TENM2: variants seen among roughly 807,000 people sequenced by gnomAD.
TENM2 encodes the protein teneurin-2.
In TENM2, 52 loss-of-function variants were observed where a neutral mutation model predicts 245.2. The observed-to-expected ratio is 0.21, with a 90% CI of 0.17 to 0.27. The LOEUF is 0.27. Ranked by LOEUF, TENM2 falls within the 10% of genes least tolerant of loss-of-function variation. The probability of loss-of-function intolerance (pLI) is 1.00; values close to 1 mark genes in which losing one functional copy is unlikely to be tolerated. For missense variants in TENM2, 3,046 were observed against 3,666.8 expected (o/e 0.83, Z 4.37); for synonymous variants, 1,363 against 1,438.9 (o/e 0.95, Z 1.19).
At chr5:168,220,598 G>T (rs899219280) in intron 23 of TENM2, among the ~76,000 whole-genome samples, 2 of 151,974 alleles carry the variant, frequency 1.3e-5, no homozygotes, top group African/African-American at 4.8e-5. Context: ...AAATGTATAG[G>T]GTTTTCTTTT....
intron 1 of TENM2, among the ~76,000 whole-genome samples, chr5:167,338,869 A>G (rs1757932502): frequency 6.6e-6 from 1 of 152,152 alleles, no homozygotes. Flanking sequence ...CGTGACAGAA[A>G]GAGAGAGTTC....
chr5:167,812,064 A>G lies in TENM2; in HGVS notation c.503-63922A>G, dbSNP rs184113630. Among the ~76,000 whole-genome samples the G allele has an allele frequency of 8.5e-5, 13 of 152,326 alleles. No homozygotes were observed. In the East Asian group the frequency reaches 2.5e-3, roughly 29 times the overall value. ...GCATCTTGAAGGATGGATAAGAATT[A>G]TACCCAATGTTTAAAAAATAAGGGA... On this transcript the variant is annotated intron_variant, in intron 2 of 28. Coordinates refer to ENST00000518659, the Ensembl canonical transcript of TENM2.
chr5:166,990,206 T>C, the TENM2 span, among the ~76,000 whole-genome samples: 14 of 152,202 alleles, frequency 9.2e-5, no homozygotes, highest in African/African-American at 3.4e-4. Flanking sequence ...ACTAAATTAT[T>C]AGTAAACCTA....
At chr5:167,287,813 G>T (rs1264721410) in intron 1 of TENM2, 1 of 152,290 alleles carries the variant, frequency 6.6e-6, no homozygotes, top group East Asian at 1.9e-4. Context: ...TATTATGCTG[G>T]ATCCTCCTGG....
chr5:167,167,206 A>G, the TENM2 span, among the ~76,000 whole-genome samples: 1 of 152,208 alleles, frequency 6.6e-6, no homozygotes, highest in African/African-American at 2.4e-5. Context: ...GTAAATTCTG[A>G]CAAACCAGGG....
intron 2 of TENM2, among the ~76,000 whole-genome samples, chr5:167,618,026 G>A (rs901876297): frequency 6.6e-6 from 1 of 152,128 alleles, no homozygotes; most frequent in Admixed American, 6.5e-5. Flanking sequence ...CCGTGCTTGG[G>A]ATTGGAGGTC....
At chr5:168,165,684 G>C (rs1216527280) in intron 13 of TENM2, among the ~76,000 whole-genome samples, 1 of 117,720 alleles carries the variant, frequency 8.5e-6, no homozygotes, top group Admixed American at 1.3e-4. Flanking sequence ...AGACAAAGCA[G>C]TCCAAAGGCA....
intron 5 of TENM2, among the ~76,000 whole-genome samples, chr5:167,994,171 C>A (rs966939804): frequency 6.6e-6 from 1 of 152,240 alleles, no homozygotes; most frequent in Non-Finnish European, 1.5e-5. Flanking sequence ...GGTTTCAGGG[C>A]AGCTATGAGA....
the TENM2 span, among the ~76,000 whole-genome samples, chr5:167,243,792 C>T: frequency 6.6e-6 from 1 of 152,144 alleles, no homozygotes; most frequent in African/African-American, 2.4e-5. Flanking sequence ...CCAATTTTAT[C>T]TGCATTGATA....
intron 2 of TENM2, among the ~76,000 whole-genome samples, chr5:167,403,165 AT>A (rs35263578): frequency 0.34 from 51,952 of 151,630 alleles, 9,593 homozygotes; most frequent in African/African-American, 0.49. Context: ...GATAGTTATT[AT>A]TTTTTTTAAG....
intron 2 of TENM2, among the ~76,000 whole-genome samples, chr5:167,532,355 A>G (rs986760532): frequency 1.3e-5 from 2 of 152,166 alleles, no homozygotes; most frequent in East Asian, 1.9e-4. Flanking sequence ...CAAGTTGCTA[A>G]TAAAGACATA....
At chr5:167,411,113 T>C (rs1164435419) in intron 2 of TENM2, among the ~76,000 whole-genome samples, 1 of 152,086 alleles carries the variant, frequency 6.6e-6, no homozygotes, top group Non-Finnish European at 1.5e-5. Flanking sequence ...AGATGCATTC[T>C]AAATCGGAAT....
chr5:167,829,179 A>G (rs959363882), intron 2 of TENM2, among the ~76,000 whole-genome samples: 8 of 152,216 alleles, frequency 5.3e-5, no homozygotes, highest in African/African-American at 1.9e-4. Flanking sequence ...TTGAAATGCT[A>G]TTTCCTCTTA....
chr5:167,102,683 TA>T, the TENM2 span, among the ~76,000 whole-genome samples: 1 of 152,190 alleles, frequency 6.6e-6, no homozygotes, highest in Non-Finnish European at 1.5e-5. Context: ...TTTTGAGACA[TA>T]GCCTCGCTCT....
intron 24 of TENM2, 86 bp downstream of exon 26, chr5:168,226,349 T>TGGGA: frequency 7.6e-7 from 1 of 1,315,150 alleles, no homozygotes; most frequent in East Asian, 2.4e-5. Flanking sequence ...TTATGCAGCC[T>TGGGA]GGGAGGACTT....
intron 2 of TENM2, among the ~76,000 whole-genome samples, chr5:167,629,561 C>T (rs1178619052): frequency 2.0e-5 from 3 of 152,142 alleles, no homozygotes; most frequent in Admixed American, 2.0e-4. Context: ...AAATCCAGGA[C>T]TGAGCAGGTA....
intron 5 of TENM2, among the ~76,000 whole-genome samples, chr5:168,042,466 G>C (rs908227021): frequency 6.6e-6 from 1 of 152,076 alleles, no homozygotes; most frequent in Non-Finnish European, 1.5e-5. Context: ...GCCAGCCAAT[G>C]AACACAGAAG....
chr5:167,446,025 A>T (rs1765186885), intron 2 of TENM2, among the ~76,000 whole-genome samples: 1 of 152,140 alleles, frequency 6.6e-6, no homozygotes, highest in African/African-American at 2.4e-5. Flanking sequence ...TCAGCTGCTG[A>T]TCTAGTGATA....
chr5:167,536,790 G>A (rs1050853504), intron 2 of TENM2, among the ~76,000 whole-genome samples: 5 of 152,178 alleles, frequency 3.3e-5, no homozygotes, highest in Non-Finnish European at 7.3e-5. Context: ...ACCGAGGCAG[G>A]CAGGATCACC....
Sources: gnomAD v4.1 joint callset for allele counts (sites outside exome capture counted in the v4.1 genomes callset) on GRCh38, gnomAD v4.1.1 for gene constraint, MANE v1.5 for transcripts, NCBI Gene and HGNC (gene_info 2026-07-23, HGNC 2026-07-21) for gene names.